Variants in MEF2C observed in about 807,000 individuals in gnomAD.
MEF2C encodes the protein myocyte enhancer factor 2C, also known as myocyte-specific enhancer factor 2C.
Under a neutral mutation model 50.5 loss-of-function variants are expected in MEF2C, and 6 were observed. That is an observed-to-expected ratio of 0.12 (90% CI 0.07 to 0.23). The LOEUF is 0.23. Ranked by LOEUF, MEF2C falls within the 10% of genes least tolerant of loss-of-function variation. MEF2C has a pLI of 1.00. For synonymous variants in MEF2C, 183 were observed against 228.0 expected (o/e 0.80, Z 1.78); for missense variants, 276 against 605.0 (o/e 0.46, Z 5.70).
chr5:88,875,360 A>C (rs553113858), intron 1 of MEF2C, among the ~76,000 whole-genome samples: 2 of 152,106 alleles, frequency 1.3e-5, no homozygotes, highest in African/African-American at 4.8e-5. Context: ...TTGCAGCACC[A>C]CACATTGTGG....
At chr5:88,739,383 G>A (rs1285001312) in intron 6 of MEF2C, 1 of 981,398 alleles carries the variant, frequency 1.0e-6, no homozygotes, top group Middle Eastern at 5.2e-4. Context: ...CAGCATACTG[G>A]GTTGTTAGAC....
chr5:88,754,192 A>AT (rs1382788293), intron 4 of MEF2C, among the ~76,000 whole-genome samples: 2 of 152,110 alleles, frequency 1.3e-5, no homozygotes, highest in Non-Finnish European at 2.9e-5. Flanking sequence ...AAGTCAGGGT[A>AT]TTTTTTTATA....
intron 3 of MEF2C, among the ~76,000 whole-genome samples, chr5:88,786,209 C>T (rs1393206870): frequency 6.6e-6 from 1 of 152,130 alleles, no homozygotes; most frequent in African/African-American, 2.4e-5. Flanking sequence ...ATTTCAGCTG[C>T]TTTCAATCTT....
intron 3 of MEF2C, among the ~76,000 whole-genome samples, chr5:88,786,034 G>A (rs1299662991): frequency 6.6e-6 from 1 of 152,044 alleles, no homozygotes; most frequent in East Asian, 1.9e-4. Context: ...GCACGACTGA[G>A]AGCCAGGCTA....
intron 1 of MEF2C, chr5:88,888,871 G>A (rs1834244602): frequency 6.6e-6 from 1 of 152,030 alleles, no homozygotes; most frequent in South Asian, 2.1e-4. Flanking sequence ...AATTTAATGC[G>A]ACTTTACCTT....
At chr5:88,839,431 G>A (rs1052553173) in intron 1 of MEF2C, 55 of 151,966 alleles carry the variant, frequency 3.6e-4, no homozygotes, top group African/African-American at 1.3e-3. Context: ...GGTGCAAAGC[G>A]AATGCTCAAA....
chr5:88,861,195 G>A (rs1561380256), intron 1 of MEF2C, among the ~76,000 whole-genome samples: 1 of 152,224 alleles, frequency 6.6e-6, no homozygotes, highest in East Asian at 1.9e-4. Flanking sequence ...CAAAGTTGTA[G>A]AGATTTTGAA....
chr5:88,791,133 A>G (rs1793559374), intron 3 of MEF2C, among the ~76,000 whole-genome samples: 1 of 152,182 alleles, frequency 6.6e-6, no homozygotes, highest in Non-Finnish European at 1.5e-5. Flanking sequence ...TACTTAGATG[A>G]TATCAATGGC....
In MEF2C at chr5:88,805,823, CTTTTT is replaced by C. The variant is rs869224140; in HGVS notation, c.55-1027_55-1023del. Reference sequence around the variant, plus strand: ...TGGCTACTGAAAAGGCGTGAACATTCTTTTTTTTTTTTTTTTTTTTTTTTTTTGGA... The same window carrying C: ...TGGCTACTGAAAAGGCGTGAACATTCTTTTTTTTTTTTTTTTTTTTTTGGA... On this transcript the variant is annotated intron_variant, in intron 2 of 10. Coordinates refer to ENST00000504921, the MANE Select transcript of MEF2C (RefSeq NM_002397.5). 9.7e-5 allele frequency among the ~76,000 whole-genome samples: 6 copies of C among 61,590 alleles called. No homozygotes were observed. In the East Asian group the frequency reaches 1.8e-3, roughly 18 times the overall value. The allele number at this position is 61,590 out of a possible 152,430, so 40.4% of individuals were successfully genotyped here. A position where few individuals can be genotyped will look rare whatever the true frequency, so the allele number is the denominator to read the frequency against.
chr5:88,809,137 T>C (rs1408975624), intron 2 of MEF2C, among the ~76,000 whole-genome samples: 1 of 152,146 alleles, frequency 6.6e-6, no homozygotes, highest in Non-Finnish European at 1.5e-5. Flanking sequence ...GATGATGGTA[T>C]GTTAAGTTTT....
chr5:88,810,387 C>T (rs556085756), intron 2 of MEF2C, among the ~76,000 whole-genome samples: 1 of 151,792 alleles, frequency 6.6e-6, no homozygotes, highest in Non-Finnish European at 1.5e-5. Flanking sequence ...TCAAAAAATT[C>T]AGAGAAAAGT....
intron 1 of MEF2C, among the ~76,000 whole-genome samples, chr5:88,876,167 T>C (rs1215559961): frequency 2.0e-5 from 3 of 149,280 alleles, no homozygotes; most frequent in Non-Finnish European, 4.4e-5. Flanking sequence ...ATGAAGGATA[T>C]AACTTAAAAC....
chr5:88,759,055 G>A (rs937189557), intron 4 of MEF2C, among the ~76,000 whole-genome samples: 1 of 152,190 alleles, frequency 6.6e-6, no homozygotes, highest in Non-Finnish European at 1.5e-5. Flanking sequence ...TATTCCAACT[G>A]TGCAGGGGAT....
chr5:88,773,161 A>T (rs1443307912), intron 3 of MEF2C, among the ~76,000 whole-genome samples: 1 of 152,264 alleles, frequency 6.6e-6, no homozygotes, highest in African/African-American at 2.4e-5. Flanking sequence ...TATCCACAGC[A>T]TCTTGAATGT....
chr5:88,728,678 T>C, intron 9 of MEF2C, 50 bp from the exon 10 acceptor site: 1 of 1,232,034 alleles, frequency 8.1e-7, no homozygotes, highest in Non-Finnish European at 1.1e-6. Flanking sequence ...TTAGAAATTA[T>C]CAAATGGTAA....
At chr5:88,741,977 T>C in intron 6 of MEF2C, 1 of 985,028 alleles carries the variant, frequency 1.0e-6, no homozygotes, top group South Asian at 4.7e-5. Flanking sequence ...TCAAATATGA[T>C]ACTGTATCAT....
intron 6 of MEF2C, chr5:88,737,656 G>A (rs1764686153): frequency 3.0e-6 from 3 of 985,264 alleles, no homozygotes; most frequent in Non-Finnish European, 3.6e-6. Flanking sequence ...TTATCAGATG[G>A]TTCAGAGAGA....
At chr5:88,894,365 A>G (rs756352316) in intron 1 of MEF2C, among the ~76,000 whole-genome samples, 1 of 152,238 alleles carries the variant, frequency 6.6e-6, no homozygotes, top group Non-Finnish European at 1.5e-5. Flanking sequence ...TAGTGATAAT[A>G]TAATAGATAT....
intron 3 of MEF2C, among the ~76,000 whole-genome samples, chr5:88,799,849 T>TTCTC (rs1235744521): frequency 2.5e-5 from 3 of 119,354 alleles, no homozygotes; most frequent in African/African-American, 9.8e-5. Flanking sequence ...GTCCCTTTCC[T>TTCTC]TCTCTCTCTC....
Sources: allele counts gnomAD v4.1 joint callset (sites outside exome capture counted in the v4.1 genomes callset), GRCh38; gene constraint gnomAD v4.1.1; transcripts MANE v1.5; gene names NCBI Gene and HGNC (gene_info 2026-07-23, HGNC 2026-07-21).